LRRTM4: variants seen among roughly 807,000 people sequenced by gnomAD.
LRRTM4 encodes the protein leucine rich repeat transmembrane neuronal 4, also known as leucine-rich repeat transmembrane neuronal protein 4.
In LRRTM4, 25 loss-of-function variants were observed where a neutral mutation model predicts 47.6. That is an observed-to-expected ratio of 0.53 (90% CI 0.38 to 0.73). The LOEUF is 0.73. Ranked by LOEUF, LRRTM4 falls within the 30% of genes least tolerant of loss-of-function variation. The pLI is 0.00. For synonymous variants in LRRTM4, 311 were observed against 269.5 expected, an observed-to-expected ratio of 1.15 and a Z score of -1.51; for missense variants, 638 against 713.4, an observed-to-expected ratio of 0.89 and a Z score of 1.20.
chr2:77,185,855 GAA>G (rs576728357), intron 3 of LRRTM4, among the ~76,000 whole-genome samples: 25 of 152,142 alleles, frequency 1.6e-4, no homozygotes, highest in African/African-American at 5.8e-4. Context: ...GTGACTTTAG[GAA>G]AGTCACTAAA....
chr2:77,188,084 C>A (rs1673560951), intron 3 of LRRTM4, among the ~76,000 whole-genome samples: 1 of 152,112 alleles, frequency 6.6e-6, no homozygotes, highest in Non-Finnish European at 1.5e-5. Flanking sequence ...AATATATTGA[C>A]TGTTTACTCC....
intron 3 of LRRTM4, among the ~76,000 whole-genome samples, chr2:76,906,801 C>T (rs1178007040): frequency 5.3e-5 from 8 of 151,100 alleles, no homozygotes; most frequent in Non-Finnish European, 8.8e-5. Context: ...AGCTAACTAT[C>T]CTAAATATAT....
chr2:77,340,072 T>A (rs999052357), intron 3 of LRRTM4, among the ~76,000 whole-genome samples: 5 of 151,986 alleles, frequency 3.3e-5, no homozygotes, highest in Non-Finnish European at 7.4e-5. Flanking sequence ...GGTAGATTTT[T>A]AAAAAATGAT....
chr2:77,362,954 T>C (rs1672297791), intron 3 of LRRTM4, among the ~76,000 whole-genome samples: 3 of 152,206 alleles, frequency 2.0e-5, no homozygotes, highest in Admixed American at 2.0e-4. Context: ...TGTTTGATTT[T>C]ATGTATTTAA....
intron 3 of LRRTM4, among the ~76,000 whole-genome samples, chr2:76,780,090 C>T (rs946111377): frequency 1.1e-4 from 16 of 152,132 alleles, no homozygotes; most frequent in African/African-American, 3.4e-4. Flanking sequence ...AATATTGGCC[C>T]CCACTCTCTT....
chr2:77,144,850 T>A (rs1017664421), intron 3 of LRRTM4, among the ~76,000 whole-genome samples: 2 of 152,100 alleles, frequency 1.3e-5, no homozygotes, highest in Non-Finnish European at 2.9e-5. Flanking sequence ...GCAAATATAT[T>A]GACAGAACTG....
chr2:76,951,971 T>G (rs72923815), intron 3 of LRRTM4, among the ~76,000 whole-genome samples: 5,445 of 152,074 alleles, frequency 0.036, 300 homozygotes, highest in African/African-American at 0.12. Context: ...TCATTTTTTA[T>G]GACTTCATAG....
chr2:77,430,556 T>A (rs139687932), intron 3 of LRRTM4, among the ~76,000 whole-genome samples: 4,185 of 149,780 alleles, frequency 0.028, 230 homozygotes, highest in African/African-American at 0.1. Context: ...ACCCTGTCTC[T>A]ACTAAAAATA....
chr2:77,005,502 G>A (rs989263858), intron 3 of LRRTM4, among the ~76,000 whole-genome samples: 24 of 152,072 alleles, frequency 1.6e-4, no homozygotes, highest in African/African-American at 3.6e-4. Flanking sequence ...GCAATGATAC[G>A]GTTTGGCTCC....
chr2:76,890,055 C>G (rs1231157853), intron 3 of LRRTM4, among the ~76,000 whole-genome samples: 8 of 151,884 alleles, frequency 5.3e-5, no homozygotes, highest in Non-Finnish European at 1.2e-4. Context: ...AAATGAATGT[C>G]CCATCCAAGA....
At position 77,284,892 on chromosome 2, in the gene LRRTM4, A is replaced by C. The variant is rs1042724844; in HGVS notation, c.1551+233426T>G. Among the ~76,000 whole-genome samples the C allele has an allele frequency of 5.3e-5, 8 of 152,234 alleles. No individual in the cohort carries two copies. The East Asian group carries it at 1.6e-3, about 30-fold the overall frequency. ...GCAATTCACTCAGAAGCTGAAAAAA[A>C]CTTAATATACTCATCAAAGCCCTCT... is the stretch of plus-strand genomic sequence containing the variant. On this transcript the variant is annotated intron_variant, in intron 3 of 3. Coordinates refer to ENST00000409884, the MANE Select transcript of LRRTM4 (RefSeq NM_001134745.3).
At chr2:77,296,815 G>A (rs977608171) in intron 3 of LRRTM4, among the ~76,000 whole-genome samples, 2 of 152,172 alleles carry the variant, frequency 1.3e-5, no homozygotes, top group Admixed American at 6.5e-5. Flanking sequence ...AATGTAGAAC[G>A]ATGCCCAAGG....
intron 3 of LRRTM4, among the ~76,000 whole-genome samples, chr2:77,451,273 A>G (rs1312530644): frequency 6.6e-6 from 1 of 152,214 alleles, no homozygotes; most frequent in African/African-American, 2.4e-5. Context: ...AGGGGGTTTA[A>G]AAATTGCATG....
At position 76,768,319 on chromosome 2, in the gene LRRTM4, ACTTAATATCAAAAG is replaced by A. The variant is rs554770543; in HGVS notation, c.1552-19417_1552-19404del. 4.8e-3 allele frequency among the ~76,000 whole-genome samples: 732 copies of A among 152,262 alleles called. 6 individuals carry two copies. The highest frequency in any genetic ancestry group is 0.017 in the African/African-American group (698 of 41,558). On this transcript the variant is annotated intron_variant, in intron 3 of 3. Coordinates refer to ENST00000409884, the MANE Select transcript of LRRTM4 (RefSeq NM_001134745.3). ...ATTTTTCACAACAAATACACACAACACTTAATATCAAAAGCTTAGTCTGGCCAACACTGTGATAA... is the reference window on the plus strand; with the variant it reads ...ATTTTTCACAACAAATACACACAACACTTAGTCTGGCCAACACTGTGATAA...
chr2:77,033,515 G>A (rs1186939858), intron 3 of LRRTM4, among the ~76,000 whole-genome samples: 2 of 151,710 alleles, frequency 1.3e-5, no homozygotes, highest in African/African-American at 2.4e-5. Flanking sequence ...ACCATTCCCT[G>A]TGTACCGAAT....
intron 3 of LRRTM4, among the ~76,000 whole-genome samples, chr2:77,078,501 T>C (rs866546189): frequency 2.6e-5 from 4 of 152,160 alleles, no homozygotes; most frequent in African/African-American, 7.2e-5. Flanking sequence ...CTGAACTTGT[T>C]CTTCATTATA....
At chr2:76,752,168 C>A (rs944802587) in intron 3 of LRRTM4, among the ~76,000 whole-genome samples, 2 of 152,002 alleles carry the variant, frequency 1.3e-5, no homozygotes, top group African/African-American at 4.8e-5. Flanking sequence ...GAAATCAGGG[C>A]CTTAGGGATC....
intron 3 of LRRTM4, among the ~76,000 whole-genome samples, chr2:77,261,090 C>T (rs1675907080): frequency 6.6e-6 from 1 of 151,822 alleles, no homozygotes; most frequent in Non-Finnish European, 1.5e-5. Context: ...TTCATAGTTC[C>T]TCTAGAGAAA....
chr2:76,819,691 T>C (rs1357266438), intron 3 of LRRTM4, among the ~76,000 whole-genome samples: 2 of 151,932 alleles, frequency 1.3e-5, no homozygotes, highest in Non-Finnish European at 2.9e-5. Flanking sequence ...ATCTTCTAGA[T>C]TGTTACTCTC....
Sources: allele counts gnomAD v4.1 joint callset (sites outside exome capture counted in the v4.1 genomes callset), GRCh38; gene constraint gnomAD v4.1.1; transcripts MANE v1.5; gene names NCBI Gene and HGNC (gene_info 2026-07-23, HGNC 2026-07-21).